RBMS3: variants seen among roughly 807,000 people sequenced by gnomAD.
RBMS3 encodes the protein RNA-binding motif, single-stranded-interacting protein 3.
RBMS3 carries 27 observed loss-of-function variants against 66.8 expected under a neutral mutation model. The observed-to-expected ratio is 0.40, with a 90% CI of 0.30 to 0.56. The LOEUF (loss-of-function observed/expected upper bound fraction) is 0.56, where lower values mean the gene tolerates loss of function less well. Ranked by LOEUF, RBMS3 falls within the 20% of genes least tolerant of loss-of-function variation. RBMS3 has a pLI of 0.40. For missense variants in RBMS3, 513 were observed against 549.5 expected (o/e 0.93, Z 0.66); for synonymous variants, 188 against 183.0 (o/e 1.03, Z -0.22).
At chr3:29,940,101 C>T (rs1317836049) in intron 11 of RBMS3, among the ~76,000 whole-genome samples, 1 of 151,846 alleles carries the variant, frequency 6.6e-6, no homozygotes, top group East Asian at 1.9e-4. Context: ...TTTCAAGTCC[C>T]ACTGATTTTC....
At chr3:29,917,586 T>G (rs2060670344) in intron 10 of RBMS3, among the ~76,000 whole-genome samples, 1 of 151,948 alleles carries the variant, frequency 6.6e-6, no homozygotes, top group South Asian at 2.1e-4. Context: ...AAAGAAAGAT[T>G]CATGGGACTC....
chr3:29,901,593 C>T (rs537154030), intron 10 of RBMS3, among the ~76,000 whole-genome samples: 5 of 151,780 alleles, frequency 3.3e-5, no homozygotes, highest in Non-Finnish European at 7.4e-5. Context: ...GCTTCAGCCT[C>T]GTGTTCGCAT....
intron 12 of RBMS3, among the ~76,000 whole-genome samples, chr3:29,977,630 A>C (rs962914829): frequency 6.6e-6 from 1 of 152,122 alleles, no homozygotes; most frequent in East Asian, 1.9e-4. Flanking sequence ...ATGGTTATTC[A>C]GTGCTCCTAC....
chr3:29,885,839 T>G (rs930874922), intron 8 of RBMS3, among the ~76,000 whole-genome samples: 8 of 151,888 alleles, frequency 5.3e-5, no homozygotes, highest in African/African-American at 1.9e-4. Context: ...TATCTATGTA[T>G]CTACTTGTGA....
chr3:29,951,558 C>T (rs1016839529), intron 12 of RBMS3, among the ~76,000 whole-genome samples: 37 of 151,638 alleles, frequency 2.4e-4, no homozygotes, highest in African/African-American at 8.7e-4. Flanking sequence ...CTAGTAAGGG[C>T]GTGACTCATG....
At chr3:29,702,482 G>C (rs555326873) in intron 4 of RBMS3, among the ~76,000 whole-genome samples, 113 of 152,266 alleles carry the variant, frequency 7.4e-4, no homozygotes, top group African/African-American at 2.6e-3. Flanking sequence ...GCAACCCGCC[G>C]GGGTCCTCTT....
Position 29,827,305 on chromosome 3 carries a change from A to G in RBMS3, c.638-41553A>G, listed in dbSNP as rs188376911. 6.7e-4 allele frequency among the ~76,000 whole-genome samples: 102 copies of G among 152,338 alleles called. 1 individual carries two copies. Among genetic ancestry groups the G allele is most frequent in the Middle Eastern group, 3.4e-3 (1 of 294 alleles). Reference sequence around the variant, plus strand: ...AGCAGAAATAATTTTCAGCAAAGACAACAAATAGGTTAATGAAATTTTTGA... The same window carrying G: ...AGCAGAAATAATTTTCAGCAAAGACGACAAATAGGTTAATGAAATTTTTGA... On this transcript the variant is annotated intron_variant, in intron 6 of 14. Transcript: ENST00000383767.
rs201050505 is a variant in RBMS3 at position 29,936,178 on chromosome 3, G to A, written c.1032G>A (p.Ser344=). ...GPLTQQMNHL[S]LGTTGTIQSQ... is the part of the protein sequence containing the mutation. ...TGACACAGCAGATGAATCACCTTTCGTTGGGCACAACAGGAACGGTGAGTT... is the reference window on the plus strand; with the variant it reads ...TGACACAGCAGATGAATCACCTTTCATTGGGCACAACAGGAACGGTGAGTT... The change falls in exon 11 of 15, where the codon TCG becomes TCA. Residue 344 remains serine (S), a synonymous_variant. Transcript: ENST00000383767. 3.5e-5 allele frequency: 56 copies of A among 1,612,900 alleles called. No individual in the cohort carries two copies. In the East Asian group the frequency reaches 6.9e-4, roughly 20 times the overall value.
chr3:29,758,322 TTC>T (rs2055516224), intron 5 of RBMS3, among the ~76,000 whole-genome samples: 1 of 152,202 alleles, frequency 6.6e-6, no homozygotes, highest in Admixed American at 6.5e-5. Flanking sequence ...GAGACAACAG[TTC>T]TATTCCAGGC....
chr3:29,816,243 T>G (rs1453396062), intron 6 of RBMS3, among the ~76,000 whole-genome samples: 1 of 151,492 alleles, frequency 6.6e-6, no homozygotes, highest in African/African-American at 2.4e-5. Flanking sequence ...GACTGCCCGA[T>G]TAGCAAAGCC....
Position 29,430,334 on chromosome 3 carries a change from G to A in RBMS3, c.76-4409G>A, listed in dbSNP as rs769702927. Among the ~76,000 whole-genome samples the A allele has an allele frequency of 2.2e-4, 34 of 151,414 alleles. 1 individual carries two copies. The highest frequency in any genetic ancestry group is 4.0e-4 in the Non-Finnish European group (27 of 67,892). ...TTTCAGCAGAATTTCTAGAATTTAC[G>A]AACAAGGATATGACAAAGAAAACCG... On this transcript the variant is annotated intron_variant, in intron 1 of 14. Transcript: ENST00000383767.
intron 6 of RBMS3, among the ~76,000 whole-genome samples, chr3:29,854,264 G>C (rs1425723496): frequency 6.6e-6 from 1 of 152,156 alleles, no homozygotes; most frequent in African/African-American, 2.4e-5. Flanking sequence ...TTGTGTTTCC[G>C]GGCCTGTCCC....
chr3:29,622,798 A>G (rs776011145), intron 4 of RBMS3, among the ~76,000 whole-genome samples: 4 of 152,178 alleles, frequency 2.6e-5, no homozygotes, highest in Non-Finnish European at 4.4e-5. Context: ...CTTGTGCCTC[A>G]GTGTGCTCAT....
At chr3:29,849,446 G>T (rs898944599) in intron 6 of RBMS3, among the ~76,000 whole-genome samples, 6 of 149,502 alleles carry the variant, frequency 4.0e-5, no homozygotes, top group Non-Finnish European at 5.9e-5. Flanking sequence ...CTTGGGAGGC[G>T]GAGGTTGCAG....
chr3:29,884,078 A>C, intron 7 of RBMS3, 84 bp from the exon 8 acceptor site: 4 of 1,144,806 alleles, frequency 3.5e-6, no homozygotes, highest in Non-Finnish European at 5.2e-6. Flanking sequence ...AGTAATGATA[A>C]GAGTCTTTGT....
At chr3:29,802,411 C>T (rs911583687) in intron 6 of RBMS3, among the ~76,000 whole-genome samples, 2 of 152,118 alleles carry the variant, frequency 1.3e-5, no homozygotes, top group Non-Finnish European at 1.5e-5. Flanking sequence ...GTGTGTATAA[C>T]ATAACCCCAG....
intron 12 of RBMS3, among the ~76,000 whole-genome samples, 180 bp downstream of exon 12, chr3:29,944,434 T>C (rs886953029): frequency 2.0e-5 from 3 of 151,658 alleles, no homozygotes; most frequent in African/African-American, 7.3e-5. Flanking sequence ...ATAATTCAGT[T>C]ATATATCTGG....
At chr3:29,339,026 G>A (rs1384228017) in intron 1 of RBMS3, among the ~76,000 whole-genome samples, 3 of 152,102 alleles carry the variant, frequency 2.0e-5, no homozygotes, top group African/African-American at 7.2e-5. Flanking sequence ...CTCACTCAGA[G>A]GTCAGCCACT....
intron 1 of RBMS3, among the ~76,000 whole-genome samples, chr3:29,316,447 T>A (rs1329434146): frequency 1.3e-5 from 2 of 151,682 alleles, no homozygotes; most frequent in Non-Finnish European, 3.0e-5. Context: ...TGGTTTGAAC[T>A]TCATATGGTA....
Sources: allele counts gnomAD v4.1 joint callset (sites outside exome capture counted in the v4.1 genomes callset), GRCh38; gene constraint gnomAD v4.1.1; transcripts MANE v1.5; gene names NCBI Gene and HGNC (gene_info 2026-07-23, HGNC 2026-07-21).